Variants in NPSR1 observed in about 807,000 individuals in gnomAD.
The protein encoded by NPSR1 is neuropeptide S receptor.
A neutral mutation model predicts 46.9 loss-of-function variants in NPSR1; 48 were observed. The observed-to-expected ratio is 1.02, with a 90% CI of 0.81 to 1.30. The LOEUF (loss-of-function observed/expected upper bound fraction) is 1.30, where lower values mean the gene tolerates loss of function less well. Ranked by LOEUF, NPSR1 falls within the 50% of genes most tolerant of loss-of-function variation. NPSR1 has a pLI of 0.00. For synonymous variants in NPSR1, 176 were observed against 168.1 expected, an observed-to-expected ratio of 1.05 and a Z score of -0.36; for missense variants, 450 against 449.5, an observed-to-expected ratio of 1.00 and a Z score of -0.01.
chr7:34,710,686 A>G, intron 2 of NPSR1: 1 of 246,768 alleles, frequency 4.1e-6, no homozygotes. Context: ...TACAAGCACA[A>G]GAGACCTTTA....
intron 5 of NPSR1, among the ~76,000 whole-genome samples, chr7:34,832,520 A>T (rs1790167295): frequency 6.6e-6 from 1 of 152,200 alleles, no homozygotes; most frequent in Non-Finnish European, 1.5e-5. Context: ...TGTCCAAAAA[A>T]AAATGGGGAC....
chr7:34,749,199 C>G (rs945168427), intron 2 of NPSR1, among the ~76,000 whole-genome samples: 7 of 152,200 alleles, frequency 4.6e-5, no homozygotes, highest in African/African-American at 1.7e-4. Flanking sequence ...GATGTTGTAC[C>G]CCAAACCTTC....
intron 3 of NPSR1, among the ~76,000 whole-genome samples, chr7:34,803,331 T>G (rs998196115): frequency 7.2e-5 from 11 of 152,114 alleles, no homozygotes; most frequent in African/African-American, 2.7e-4. Flanking sequence ...TGTCCAACAG[T>G]GATAGACTGG....
At chr7:34,782,149 A>G (rs1261663926) in intron 3 of NPSR1, among the ~76,000 whole-genome samples, 2 of 152,066 alleles carry the variant, frequency 1.3e-5, no homozygotes, top group African/African-American at 2.4e-5. Flanking sequence ...CATGCCTCAC[A>G]TACTATACCA....
At chr7:34,737,558 T>C (rs1425134951) in intron 2 of NPSR1, among the ~76,000 whole-genome samples, 2 of 152,210 alleles carry the variant, frequency 1.3e-5, no homozygotes. Flanking sequence ...TCAGTAACTT[T>C]CATATTCTAA....
At chr7:34,688,797 A>G (rs1420586785) in intron 2 of NPSR1, among the ~76,000 whole-genome samples, 1 of 152,140 alleles carries the variant, frequency 6.6e-6, no homozygotes, top group Non-Finnish European at 1.5e-5. Context: ...GCTGGGGCAT[A>G]TTTCCAGGCA....
At position 34,827,557 on chromosome 7, in the gene NPSR1, C is replaced by T. The variant is rs35537374; in HGVS notation, c.635C>T (p.Thr212Ile). The T allele has an allele frequency of 6.8e-5, 110 of 1,606,408 alleles. No individual in the cohort carries two copies. In the African/African-American group the frequency reaches 1.3e-3, roughly 20 times the overall value. Residue 212 changes from threonine to isoleucine, a missense_variant, in exon 5 of 9, where the codon ACC (threonine) becomes ATC (isoleucine). Coordinates refer to ENST00000360581, the MANE Select transcript of NPSR1 (RefSeq NM_207172.2). ...GACTCCTACTGGACCCCATACATGA[C>T]CATCGTGGCCTTCCTGGTGTACTTC... ...PDDSYWTPYM[T>I]IVAFLVYFIP...
In NPSR1 at chr7:34,760,813, G is replaced by A. The variant is rs370292960; in HGVS notation, c.281-17649G>A. Among the ~76,000 whole-genome samples the A allele has an allele frequency of 3.3e-5, 5 of 152,198 alleles. No individual in the cohort carries two copies. In the East Asian group the frequency reaches 9.7e-4, roughly 29 times the overall value. ...CTGATACTACGGAGCTTTATATTCA[G>A]TACTTTGATGAAACAGCACTAAAAT... On this transcript the variant is annotated intron_variant, in intron 2 of 8. Transcript: ENST00000360581.
At chr7:34,788,044 T>G (rs1458604794) in intron 3 of NPSR1, among the ~76,000 whole-genome samples, 1 of 151,920 alleles carries the variant, frequency 6.6e-6, no homozygotes, top group East Asian at 1.9e-4. Context: ...TGAAGAACAA[T>G]AAAGTAAATC....
intron 6 of NPSR1, among the ~76,000 whole-genome samples, chr7:34,837,677 C>A (rs1790420637): frequency 6.6e-6 from 1 of 152,192 alleles, no homozygotes; most frequent in African/African-American, 2.4e-5. Context: ...AAGCAGTTTG[C>A]TTGTTTTCAC....
chr7:34,783,549 A>T (rs1258242624), intron 3 of NPSR1, among the ~76,000 whole-genome samples: 1 of 152,150 alleles, frequency 6.6e-6, no homozygotes, highest in Non-Finnish European at 1.5e-5. Flanking sequence ...AAGTTATAGG[A>T]GTTATAGAAG....
chr7:34,848,436 C>A, intron 7 of NPSR1, 47 bp from the exon 8 acceptor site: 1 of 1,572,026 alleles, frequency 6.4e-7, no homozygotes, highest in South Asian at 1.1e-5. Flanking sequence ...AAAAGAGACC[C>A]CTCAACTGCT....
At chr7:34,788,199 A>G (rs1335136335) in intron 3 of NPSR1, among the ~76,000 whole-genome samples, 1 of 152,098 alleles carries the variant, frequency 6.6e-6, no homozygotes, top group Non-Finnish European at 1.5e-5. Flanking sequence ...TCATTTTAAA[A>G]TCGCTCGTTA....
chr7:34,764,555 A>G (rs1786339738), intron 2 of NPSR1, among the ~76,000 whole-genome samples: 1 of 152,228 alleles, frequency 6.6e-6, no homozygotes, highest in African/African-American at 2.4e-5. Flanking sequence ...AGGAGAGTTT[A>G]GACCACACCT....
intron 8 of NPSR1, among the ~76,000 whole-genome samples, chr7:34,860,158 G>C (rs1791155224): frequency 6.6e-6 from 1 of 151,678 alleles, no homozygotes. Flanking sequence ...GCCAAGTTGG[G>C]AAATATGGCC....
intron 2 of NPSR1, among the ~76,000 whole-genome samples, chr7:34,712,278 CAT>C (rs1783336932): frequency 6.6e-6 from 1 of 152,144 alleles, no homozygotes; most frequent in Non-Finnish European, 1.5e-5. Flanking sequence ...TGTCAGAAAC[CAT>C]AGATACTCAA....
intron 4 of NPSR1, among the ~76,000 whole-genome samples, chr7:34,822,914 A>T (rs1789624148): frequency 6.6e-6 from 1 of 152,210 alleles, no homozygotes; most frequent in African/African-American, 2.4e-5. Flanking sequence ...TAAAAATTTA[A>T]ATTATTTATG....
chr7:34,773,386 A>C (rs1009802255), intron 2 of NPSR1, among the ~76,000 whole-genome samples: 14 of 152,128 alleles, frequency 9.2e-5, no homozygotes, highest in African/African-American at 3.4e-4. Context: ...CTTCACAATT[A>C]AGTGGGTCCC....
At position 34,849,792 on chromosome 7, in the gene NPSR1, G is replaced by A; in HGVS notation, c.*137G>A. ...TACCTGGGAGATGCACAAGACAAAT[G>A]TTCTAATGACTGCATGCACTGCTTA... On this transcript the variant is annotated 3_prime_UTR_variant, in exon 9 of 9. Transcript: ENST00000360581. 2.0e-6 allele frequency: 3 copies of A among 1,483,908 alleles called. No homozygotes were observed. Among genetic ancestry groups the A allele is most frequent in the Non-Finnish European group, 2.7e-6 (3 of 1,119,998 alleles). The allele number at this position is 1,483,908 out of a possible 1,614,324, so 91.9% of individuals were successfully genotyped here. A position where few individuals can be genotyped will look rare whatever the true frequency, so the allele number is the denominator to read the frequency against.
Sources: gnomAD v4.1 joint callset for allele counts (sites outside exome capture counted in the v4.1 genomes callset) on GRCh38, gnomAD v4.1.1 for gene constraint, MANE v1.5 for transcripts, NCBI Gene and HGNC (gene_info 2026-07-23, HGNC 2026-07-21) for gene names.